ALOXE3: variants seen among roughly 807,000 people sequenced by gnomAD.
ALOXE3 encodes hydroperoxide isomerase ALOXE3.
Under a neutral mutation model 87.5 loss-of-function variants are expected in ALOXE3, and 78 were observed. The observed-to-expected ratio is 0.89, with a 90% CI of 0.74 to 1.08. The LOEUF is 1.08. ALOXE3 is among the 50% of genes least tolerant of loss of function. The pLI is 0.00. For missense variants in ALOXE3, 946 were observed against 912.4 expected, an observed-to-expected ratio of 1.04 and a Z score of -0.47; for synonymous variants, 363 against 370.8, an observed-to-expected ratio of 0.98 and a Z score of 0.24.
chr17:8,100,307 C>T (rs1978844560), intron 15 of ALOXE3, among the ~76,000 whole-genome samples: 1 of 152,020 alleles, frequency 6.6e-6, no homozygotes, highest in African/African-American at 2.4e-5. Context: ...TTGGAGAGTC[C>T]TGGGGGATAA....
Position 8,114,575 on chromosome 17 carries a change from T to C in ALOXE3, c.589A>G (p.Lys197Glu), listed in dbSNP as rs1391294198. Residue 197 changes from lysine (K) to glutamate (E), a missense_variant, in exon 6 of 16, where the codon AAA becomes GAA. Physicochemically the swap from Lys to Glu is moderately conservative, Grantham distance 56. Transcript: ENST00000448843. Reference sequence around the variant, plus strand: ...TACATCAGGGATGGGATGTCAATTTTCATGGGGAAGCCGGGCAGGTACCGA... The same window carrying C: ...TACATCAGGGATGGGATGTCAATTTCCATGGGGAAGCCGGGCAGGTACCGA... ...GNRYLPGFPM[K>E]IDIPSLMYME... 4.3e-6 allele frequency: 7 copies of C among 1,613,930 alleles called. No homozygotes were observed. Among genetic ancestry groups the C allele is most frequent in the Non-Finnish European group, 5.9e-6 (7 of 1,179,966 alleles).
At chr17:8,097,358 C>T (rs1208241845) in intron 15 of ALOXE3, among the ~76,000 whole-genome samples, 1 of 152,126 alleles carries the variant, frequency 6.6e-6, no homozygotes, top group Non-Finnish European at 1.5e-5. Flanking sequence ...GAACGAACCA[C>T]ACCTTTCATA....
At position 8,096,683 on chromosome 17, in the gene ALOXE3, C is replaced by A; in HGVS notation, c.2080G>T (p.Ala694Ser). The change falls in exon 16 of 16, where the codon GCA becomes TCA. Residue 694 changes from alanine (A) to serine (S), a missense_variant. Physicochemically the swap from Ala to Ser is moderately conservative, Grantham distance 99 (BLOSUM62 1). Transcript: ENST00000448843. ...RDIQERNQGL[A>S]LPYTYLDPPL... Reference sequence around the variant, plus strand: ...GGGTCCAGGTAGGTGTAGGGCAGTGCCAGACCCTGGTTCCGCTCCTGGATG... The same window carrying A: ...GGGTCCAGGTAGGTGTAGGGCAGTGACAGACCCTGGTTCCGCTCCTGGATG... 1.9e-6 allele frequency: 3 copies of A among 1,582,800 alleles called. No homozygotes were observed. Among genetic ancestry groups the A allele is most frequent in the Non-Finnish European group, 2.6e-6 (3 of 1,151,630 alleles).
intron 14 of ALOXE3, 129 bp downstream of exon 14, chr17:8,103,986 G>T: frequency 1.3e-6 from 1 of 781,632 alleles, no homozygotes; most frequent in Non-Finnish European, 2.2e-6. Context: ...CCACTCAGCT[G>T]CCACTCCAAC....
chr17:8,113,057 T>A (rs1239183835), intron 6 of ALOXE3, among the ~76,000 whole-genome samples: 4 of 152,148 alleles, frequency 2.6e-5, no homozygotes, highest in Non-Finnish European at 5.9e-5. Flanking sequence ...TCATTTAATC[T>A]TCACCTCTGG....
At position 8,110,156 on chromosome 17, in the gene ALOXE3, A is replaced by C. The variant is rs3027206; in HGVS notation, c.1241T>G (p.Leu414Trp). ...GGCCATGGCGAAGGCCTCGCACAGCAAATGCGTGCACAGAAAGTGCGTGTT... is the reference window on the plus strand; with the variant it reads ...GGCCATGGCGAAGGCCTCGCACAGCCAATGCGTGCACAGAAAGTGCGTGTT... ...ENNTHFLCTH[L>W]LCEAFAMATL... Residue 414 changes from leucine (L) to tryptophan (W), a missense_variant, in exon 10 of 16, where the codon TTG (leucine) becomes TGG (tryptophan). Transcript: ENST00000448843. 3.7e-5 allele frequency: 59 copies of C among 1,614,038 alleles called. No individual in the cohort carries two copies. In the African/African-American group the frequency reaches 7.2e-4, roughly 20 times the overall value.
rs146280032 is a variant in ALOXE3, at chr17:8,103,408, G to A, written c.1871C>T (p.Thr624Ile). 3.8e-4 allele frequency: 621 copies of A among 1,614,170 alleles called. 2 individuals are homozygous for A. Among genetic ancestry groups the A allele is most frequent in the Admixed American group, 9.5e-4 (57 of 60,014 alleles). The change falls in exon 15 of 16, where the codon ACT becomes ATT. Residue 624 changes from threonine to isoleucine, a missense_variant. Physicochemically the swap from Thr to Ile is moderately conservative, Grantham distance 89. Coordinates refer to ENST00000448843, the MANE Select transcript of ALOXE3 (RefSeq NM_021628.3). ...PQTKGTTTLK[T>I]YLDTLPEVNI... ...CACTTCAGGGAGGGTGTCTAGGTAA[G>A]TCTTCAGGGTGGTGGTCCCCTTGGT...
chr17:8,111,515 G>C lies in ALOXE3; in HGVS notation c.801C>G (p.His267Gln), dbSNP rs1980087384. Residue 267 changes from histidine to glutamine, a missense_variant, in exon 8 of 16, where the codon CAC (histidine) becomes CAG (glutamine). Transcript: ENST00000448843. ...KTFTTKYVTE[H>Q]WCEDHFFGYQ... ...ACCCAAAGAAGTGATCTTCACACCAGTGCTCTGTGACATACTCTGGGATAC... is the reference window on the plus strand; with the variant it reads ...ACCCAAAGAAGTGATCTTCACACCACTGCTCTGTGACATACTCTGGGATAC... 6.2e-7 allele frequency: 1 copy of C among 1,614,080 alleles called. No individual in the cohort carries two copies. The highest frequency in any genetic ancestry group is 1.3e-5 in the African/African-American group (1 of 74,926).
chr17:8,111,017 C>G (rs1568000517), intron 8 of ALOXE3, among the ~76,000 whole-genome samples: 1 of 152,206 alleles, frequency 6.6e-6, no homozygotes, highest in Admixed American at 6.5e-5. Context: ...GTGGCCCTAC[C>G]ATTGGCCTGT....
intron 15 of ALOXE3, among the ~76,000 whole-genome samples, chr17:8,101,031 GTT>G (rs57348893): frequency 0.39 from 54,558 of 140,106 alleles, 10,447 homozygotes; most frequent in East Asian, 0.59. Context: ...CTTTTTTTTT[GTT>G]TTTTTTTTTT....
chr17:8,110,943 G>T (rs1221299256), intron 8 of ALOXE3, among the ~76,000 whole-genome samples: 1 of 152,182 alleles, frequency 6.6e-6, no homozygotes, highest in Non-Finnish European at 1.5e-5. Flanking sequence ...AAAAAGACTG[G>T]GTTAGCCTCG....
intron 15 of ALOXE3, 124 bp downstream of exon 15, chr17:8,103,199 C>A: frequency 2.6e-6 from 3 of 1,156,084 alleles, no homozygotes; most frequent in Non-Finnish European, 3.8e-6. Flanking sequence ...ATTGAAGAAC[C>A]CAAGGCAGTT....
At position 8,097,477 on chromosome 17, in the gene ALOXE3, A is replaced by G. The variant is rs139525715; in HGVS notation, c.1957-671T>C. ...TAAAAACAACCAGCATCCTGGTTCT[A>G]AGGTACCTTCACAATCAACCATCGT... On this transcript the variant is annotated intron_variant, in intron 15 of 15. Transcript: ENST00000448843. Among the ~76,000 whole-genome samples the G allele has an allele frequency of 4.0e-3, 616 of 152,296 alleles. 3 individuals carry two copies. Among genetic ancestry groups the G allele is most frequent in the Middle Eastern group, 0.014 (4 of 294 alleles).
At chr17:8,101,921 C>T (rs959522) in intron 15 of ALOXE3, among the ~76,000 whole-genome samples, 23,845 of 152,064 alleles carry the variant, frequency 0.16, 1,984 homozygotes, top group African/African-American at 0.2. Flanking sequence ...ATTGCAGGCA[C>T]GAGCCACTGT....
At chr17:8,097,383 G>A (rs1352397545) in intron 15 of ALOXE3, among the ~76,000 whole-genome samples, 6 of 152,148 alleles carry the variant, frequency 3.9e-5, no homozygotes, top group East Asian at 1.9e-4. Flanking sequence ...CGAGATCAAA[G>A]TAAACACTGC....
Position 8,118,244 on chromosome 17 carries a change from C to G in ALOXE3, c.-254G>C. ...CACTCTAATACTTGTTTGCTTGCCT[C>G]TGACACAGCCGGTCCCTCTGGCTGG... On this transcript the variant is annotated 5_prime_UTR_variant, in exon 2 of 16. Transcript: ENST00000448843. 11 of 1,551,712 alleles carry G rather than the reference C, an allele frequency of 7.1e-6. No individual in the cohort carries two copies. Among genetic ancestry groups the G allele is most frequent in the South Asian group, 1.2e-5 (1 of 84,058 alleles).
Position 8,109,158 on chromosome 17 carries a change from G to A in ALOXE3, c.1562+16C>T, listed in dbSNP as rs115159829. ...AGACCCTGGTGGGACTGCTGGTCCCGCCCCGCACCTCGCACCTCTCAATGG... is the reference window on the plus strand; with the variant it reads ...AGACCCTGGTGGGACTGCTGGTCCCACCCCGCACCTCGCACCTCTCAATGG... On this transcript the variant is annotated intron_variant, in intron 12 of 15. Transcript: ENST00000448843. The A allele has an allele frequency of 6.2e-7, 1 of 1,611,856 alleles. No individual in the cohort carries two copies.
chr17:8,109,414 G>A (rs1045129416), intron 11 of ALOXE3, 71 bp from the exon 12 acceptor site: 4 of 1,583,074 alleles, frequency 2.5e-6, no homozygotes, highest in South Asian at 1.1e-5. Context: ...ACGAGATGGG[G>A]CTGGGGACTC....
chr17:8,096,591 G>A lies in ALOXE3; in HGVS notation c.*36C>T, dbSNP rs746420241. 9.2e-6 allele frequency: 9 copies of A among 982,024 alleles called. No homozygotes were observed. The highest frequency in any genetic ancestry group is 8.9e-5 in the South Asian group (7 of 78,566). The allele number at this position is 982,024 out of a possible 1,614,324, so 60.8% of individuals were successfully genotyped here. A position where few individuals can be genotyped will look rare whatever the true frequency, so the allele number is the denominator to read the frequency against. ...GAGGAACTGGTCCTCCTCATGCTTG[G>A]ACCTTTCTTTCTTCTTGGGTGGTAT... is the stretch of plus-strand genomic sequence containing the variant. On this transcript the variant is annotated 3_prime_UTR_variant, in exon 16 of 16. Transcript: ENST00000448843.
Sources: allele counts gnomAD v4.1 joint callset (sites outside exome capture counted in the v4.1 genomes callset), GRCh38; gene constraint gnomAD v4.1.1; transcripts MANE v1.5; gene names NCBI Gene and HGNC (gene_info 2026-07-23, HGNC 2026-07-21).